Variants in ALDH7A1 observed in about 807,000 individuals in gnomAD.
The protein encoded by ALDH7A1 is alpha-aminoadipic semialdehyde dehydrogenase.
ALDH7A1 carries 63 observed loss-of-function variants against 79.9 expected under a neutral mutation model. That is an observed-to-expected ratio of 0.79 (90% CI 0.64 to 0.97). ALDH7A1 has a LOEUF of 0.97. Ranked by LOEUF, ALDH7A1 falls within the 50% of genes least tolerant of loss-of-function variation. The pLI, the probability that ALDH7A1 is intolerant of heterozygous loss-of-function variation, is 0.00. For missense variants in ALDH7A1, 627 were observed against 665.2 expected (o/e 0.94, Z 0.63); for synonymous variants, 240 against 231.2 (o/e 1.04, Z -0.34).
intron 9 of ALDH7A1, among the ~76,000 whole-genome samples, chr5:126,566,591 A>G (rs927771745): frequency 2.0e-5 from 3 of 152,194 alleles, no homozygotes; most frequent in Non-Finnish European, 1.5e-5. Context: ...TTGATAGCCA[A>G]TATTATCCTC....
intron 4 of ALDH7A1, among the ~76,000 whole-genome samples, chr5:126,583,601 C>T (rs1310986220): frequency 1.3e-5 from 2 of 151,658 alleles, no homozygotes; most frequent in South Asian, 2.1e-4. Flanking sequence ...TTTGAGAGGC[C>T]GAGGCAGGCA....
chr5:126,574,698 A>AAATAATAAT (rs10676689), intron 7 of ALDH7A1, among the ~76,000 whole-genome samples: 6 of 149,912 alleles, frequency 4.0e-5, no homozygotes, highest in African/African-American at 7.5e-5. Flanking sequence ...CCATCTCAAA[A>AAATAATAAT]AATAATAATA....
At chr5:126,561,042 A>G in intron 10 of ALDH7A1, 41 bp downstream of exon 10, 1 of 1,609,376 alleles carries the variant, frequency 6.2e-7, no homozygotes, top group Non-Finnish European at 8.5e-7. Flanking sequence ...CGACTGTGGA[A>G]ACTGAACAGA....
intron 1 of ALDH7A1, 93 bp downstream of exon 1, chr5:126,594,914 T>A: frequency 2.7e-6 from 4 of 1,498,440 alleles, no homozygotes; most frequent in Non-Finnish European, 3.6e-6. Context: ...TACTACCGCA[T>A]CCAGCGCCAG....
chr5:126,544,801 A>G lies in ALDH7A1; in HGVS notation c.*164T>C. 1 of 632,370 alleles carries G rather than the reference A, an allele frequency of 1.6e-6. No homozygotes were observed. The highest frequency in any genetic ancestry group is 2.8e-6 in the Non-Finnish European group (1 of 357,698). The allele number at this position is 632,370 out of a possible 1,614,324, so 39.2% of individuals were successfully genotyped here. A position where few individuals can be genotyped will look rare whatever the true frequency, so the allele number is the denominator to read the frequency against. On this transcript the variant is annotated 3_prime_UTR_variant, in exon 18 of 18. Transcript: ENST00000409134. ...TAACAATTTTATTTTGATTTTTAAA[A>G]AAGGAATCTCTTGATTTAATCAGGG...
intron 5 of ALDH7A1, among the ~76,000 whole-genome samples, chr5:126,580,252 C>A (rs1021971028): frequency 6.6e-6 from 1 of 152,054 alleles, no homozygotes; most frequent in African/African-American, 2.4e-5. Context: ...GAATGTGCCA[C>A]CATGCCCAGC....
chr5:126,590,428 G>A (rs371313456), intron 3 of ALDH7A1, among the ~76,000 whole-genome samples: 62 of 152,214 alleles, frequency 4.1e-4, no homozygotes, highest in South Asian at 1.7e-3. Context: ...GCCTGGTGGC[G>A]CACACCTGTA....
chr5:126,575,716 G>A (rs1178137098), intron 6 of ALDH7A1, among the ~76,000 whole-genome samples: 1 of 152,166 alleles, frequency 6.6e-6, no homozygotes, highest in South Asian at 2.1e-4. Context: ...TGCACTGATC[G>A]CAGGAATCAC....
intron 3 of ALDH7A1, among the ~76,000 whole-genome samples, chr5:126,590,838 T>C (rs1156646955): frequency 2.0e-5 from 3 of 150,902 alleles, no homozygotes; most frequent in Admixed American, 1.3e-4. Flanking sequence ...TGAGCCAAGA[T>C]TGGGCCACTG....
intron 3 of ALDH7A1, among the ~76,000 whole-genome samples, chr5:126,589,653 T>C (rs1368622651): frequency 1.3e-5 from 2 of 152,042 alleles, no homozygotes; most frequent in Non-Finnish European, 2.9e-5. Flanking sequence ...CCACTCCGTC[T>C]GGGAAGTGAG....
intron 12 of ALDH7A1, among the ~76,000 whole-genome samples, chr5:126,555,607 A>T (rs1750164812): frequency 6.6e-6 from 1 of 152,076 alleles, no homozygotes; most frequent in Non-Finnish European, 1.5e-5. Context: ...GTAGCAATGG[A>T]TGCAGAAAGG....
chr5:126,564,158 A>G (rs1019028652), intron 9 of ALDH7A1, among the ~76,000 whole-genome samples: 21 of 151,906 alleles, frequency 1.4e-4, no homozygotes, highest in African/African-American at 4.1e-4. Context: ...AATTTTAGAC[A>G]TATGTTTATT....
intron 11 of ALDH7A1, among the ~76,000 whole-genome samples, chr5:126,557,449 C>A (rs1025304734): frequency 2.0e-5 from 3 of 151,456 alleles, no homozygotes; most frequent in African/African-American, 7.3e-5. Context: ...TAGCCAGGCA[C>A]GGTGATGGGT....
chr5:126,579,145 C>G (rs1206424765), intron 5 of ALDH7A1, among the ~76,000 whole-genome samples: 1 of 152,228 alleles, frequency 6.6e-6, no homozygotes, highest in Non-Finnish European at 1.5e-5. Flanking sequence ...CAGACAAAAT[C>G]TCTTCCCGAG....
In ALDH7A1 at chr5:126,577,217, G is replaced by A. The variant is rs1581388804; in HGVS notation, c.518-6C>T. The A allele has an allele frequency of 6.2e-7, 1 of 1,614,124 alleles. No homozygotes were observed. The highest frequency in any genetic ancestry group is 1.3e-5 in the African/African-American group (1 of 75,034). On this transcript the variant is annotated splice_region_variant and splice_polypyrimidine_tract_variant and intron_variant, in intron 5 of 17. Coordinates refer to ENST00000409134, the MANE Select transcript of ALDH7A1 (RefSeq NM_001182.5). ...AATCAGTGCATGGCCAGATCCTGAG[G>A]ACAGAAAAAGGATGGAACATGCAGA...
intron 8 of ALDH7A1, chr5:126,568,590 G>A: frequency 3.8e-6 from 2 of 522,344 alleles, no homozygotes; most frequent in Non-Finnish European, 3.5e-6. Context: ...AAATCACCTA[G>A]AGGAAGTTGT....
At position 126,552,065 on chromosome 5, in the gene ALDH7A1, G is replaced by A. The variant is rs1233787905; in HGVS notation, c.1273C>T (p.His425Tyr). The change falls in exon 14 of 18, where the codon CAC becomes TAC. Residue 425 changes from histidine (H) to tyrosine (Y), a missense_variant. Physicochemically the swap from His to Tyr is moderately conservative, Grantham distance 83. Transcript: ENST00000409134. ...TGLGHDASIA[H>Y]TETFAPILYV... ...AGAATCGGAGCAAAAGTCTCTGTGT[G>A]TGCAATGGACGCATCGTGGCCAAGA... The A allele has an allele frequency of 1.9e-6, 3 of 1,613,860 alleles. No homozygotes were observed. The highest frequency in any genetic ancestry group is 2.5e-6 in the Non-Finnish European group (3 of 1,179,992).
chr5:126,545,002 T>C lies in ALDH7A1; in HGVS notation c.1583A>G (p.Lys528Arg). 6.2e-7 allele frequency: 1 copy of C among 1,609,980 alleles called. No individual in the cohort carries two copies. Among genetic ancestry groups the C allele is most frequent in the Non-Finnish European group, 8.5e-7 (1 of 1,176,270 alleles). Residue 528 changes from lysine to arginine, a missense_variant, in exon 18 of 18, where the codon AAA (lysine) becomes AGA (arginine). Coordinates refer to ENST00000409134, the MANE Select transcript of ALDH7A1 (RefSeq NM_001182.5). ...RRSTCTINYS[K>R]DLPLAQGIKF... ...GATTCCTTGGGCCAGAGGAAGGTCT[T>C]TACTGTAGTTGATAGTACTAGTGGG...
chr5:126,550,193 TA>T lies in ALDH7A1; in HGVS notation c.1415+2del. The T allele has an allele frequency of 1.2e-6, 2 of 1,611,910 alleles. No homozygotes were observed. Among genetic ancestry groups the T allele is most frequent in the Non-Finnish European group, 1.7e-6 (2 of 1,179,336 alleles). ...TAAATTTTCAAAATAGACAAAGTTG[TA>T]CCCAAGCCAGCGAAAGATTCTGCCC... On this transcript the variant is annotated splice_donor_variant, in intron 15 of 17. Coordinates refer to ENST00000409134, the MANE Select transcript of ALDH7A1 (RefSeq NM_001182.5). LOFTEE classifies it high-confidence loss of function.
Sources: gnomAD v4.1 joint callset for allele counts (sites outside exome capture counted in the v4.1 genomes callset) on GRCh38, gnomAD v4.1.1 for gene constraint, MANE v1.5 for transcripts, NCBI Gene and HGNC (gene_info 2026-07-23, HGNC 2026-07-21) for gene names.